The following SH3KBP1 variants were observed in gnomAD, a reference collection of about 807,000 sequenced individuals.
SH3KBP1 encodes SH3 domain containing kinase binding protein 1.
SH3KBP1 carries 8 observed loss-of-function variants against 50.1 expected under a neutral mutation model. The observed-to-expected ratio is 0.16, with a 90% CI of 0.09 to 0.29. The LOEUF (loss-of-function observed/expected upper bound fraction) is 0.29. Ranked by LOEUF, SH3KBP1 falls within the 10% of genes least tolerant of loss-of-function variation. The pLI is 1.00. For synonymous variants in SH3KBP1, 227 were observed against 218.6 expected, an observed-to-expected ratio of 1.04 and a Z score of -0.34; for missense variants, 377 against 535.2, an observed-to-expected ratio of 0.70 and a Z score of 2.92.
chrX:19,788,166 G>A (rs1370368532), intron 2 of SH3KBP1, among the ~76,000 whole-genome samples: 1 of 107,549 alleles, frequency 9.3e-6, no homozygotes. Flanking sequence ...CGCTTTGGGA[G>A]GCCAAGGTGG....
chrX:19,753,891 G>T (rs2065139042), intron 2 of SH3KBP1, among the ~76,000 whole-genome samples: 1 of 112,012 alleles, frequency 8.9e-6, no homozygotes, highest in South Asian at 3.7e-4. Flanking sequence ...TTCATAATTT[G>T]CCCTAAAATT....
At chrX:19,830,597 A>AT (rs575157529) in intron 2 of SH3KBP1, among the ~76,000 whole-genome samples, 40 of 103,505 alleles carry the variant, frequency 3.9e-4, no homozygotes, top group East Asian at 2.7e-3. Context: ...TCTCTACATA[A>AT]TTTTTTTTTT....
At chrX:19,858,928 C>T (rs975506061) in intron 1 of SH3KBP1, among the ~76,000 whole-genome samples, 1 of 111,521 alleles carries the variant, frequency 9.0e-6, no homozygotes, top group Non-Finnish European at 1.9e-5. Flanking sequence ...AAAAGAGAAA[C>T]GTGATCAATT....
intron 2 of SH3KBP1, among the ~76,000 whole-genome samples, chrX:19,805,808 C>A (rs1316579068): frequency 9.0e-6 from 1 of 111,525 alleles, no homozygotes; most frequent in Admixed American, 9.5e-5. Flanking sequence ...TCTCTGGTCC[C>A]TGGGAAGTGC....
At chrX:19,842,356 T>C (rs375065448) in intron 1 of SH3KBP1, among the ~76,000 whole-genome samples, 1 of 110,698 alleles carries the variant, frequency 9.0e-6, no homozygotes, top group African/African-American at 3.3e-5. Flanking sequence ...TGAAACCCTG[T>C]CTCTACTAAA....
chrX:19,738,694 CAAAAAAAA>C (rs1193680181), intron 3 of SH3KBP1, among the ~76,000 whole-genome samples: 32 of 37,179 alleles, frequency 8.6e-4, no homozygotes, highest in African/African-American at 1.1e-3. Context: ...GTCAGCAATG[CAAAAAAAA>C]AAAAAAAAAA....
intron 6 of SH3KBP1, among the ~76,000 whole-genome samples, chrX:19,662,812 GGACT>G (rs1352617715): frequency 1.9e-5 from 2 of 107,861 alleles, no homozygotes; most frequent in African/African-American, 3.4e-5. Context: ...TCAAAAACCA[GGACT>G]GACTTTTTTT....
chrX:19,793,319 T>A (rs868295362), intron 2 of SH3KBP1, among the ~76,000 whole-genome samples: 75 of 100,879 alleles, frequency 7.4e-4, no homozygotes, highest in African/African-American at 2.5e-3. Context: ...AAAAAATATA[T>A]ATATATATAT....
chrX:19,873,954 CG>C (rs1392246014), intron 1 of SH3KBP1, among the ~76,000 whole-genome samples: 2 of 96,807 alleles, frequency 2.1e-5, no homozygotes, highest in Non-Finnish European at 4.0e-5. Flanking sequence ...GAGGCTGAGG[CG>C]GGGGGATCCC....
intron 1 of SH3KBP1, among the ~76,000 whole-genome samples, chrX:19,882,615 CGG>C (rs2069470673): frequency 2.7e-5 from 3 of 111,933 alleles, no homozygotes; most frequent in Non-Finnish European, 5.6e-5. Flanking sequence ...CGCCCAGTGA[CGG>C]ATGATAAACA....
chrX:19,778,150 C>T (rs2066040327), intron 2 of SH3KBP1, among the ~76,000 whole-genome samples: 2 of 111,337 alleles, frequency 1.8e-5, no homozygotes, highest in Admixed American at 1.9e-4. Context: ...GGGGAAAATT[C>T]GGCCGGGTGC....
intron 13 of SH3KBP1, among the ~76,000 whole-genome samples, chrX:19,565,480 G>A (rs1602489878): frequency 9.0e-6 from 1 of 111,331 alleles, no homozygotes; most frequent in East Asian, 2.8e-4. Context: ...GGCTATGGAC[G>A]GTGAGAAAAA....
chrX:19,762,692 C>A (rs183762544), intron 2 of SH3KBP1, among the ~76,000 whole-genome samples: 169 of 112,115 alleles, frequency 1.5e-3, no homozygotes, highest in Non-Finnish European at 2.6e-3. Context: ...CACTGCAATT[C>A]CCCTGTCTTG....
chrX:19,861,136 A>G (rs1278311678), intron 1 of SH3KBP1, among the ~76,000 whole-genome samples: 6 of 111,284 alleles, frequency 5.4e-5, no homozygotes, highest in Admixed American at 9.6e-5. Flanking sequence ...CAGCACTTTG[A>G]GAGGCCAAGG....
chrX:19,877,545 G>A (rs981509211), intron 1 of SH3KBP1, among the ~76,000 whole-genome samples: 3 of 111,827 alleles, frequency 2.7e-5, no homozygotes, highest in African/African-American at 9.8e-5. Context: ...TTCACATGGG[G>A]AGGTAACATG....
chrX:19,564,611 G>A (rs1376879904), intron 13 of SH3KBP1, among the ~76,000 whole-genome samples: 2 of 107,251 alleles, frequency 1.9e-5, no homozygotes, highest in South Asian at 8.4e-4. Flanking sequence ...TCACAGTCAT[G>A]TCCTTGGTTG....
chrX:19,780,011 C>T (rs749720567), intron 2 of SH3KBP1, among the ~76,000 whole-genome samples: 230 of 111,030 alleles, frequency 2.1e-3, no homozygotes, highest in Non-Finnish European at 3.6e-3. Flanking sequence ...CCTGAGGAAT[C>T]GCCACACTGA....
intron 15 of SH3KBP1, among the ~76,000 whole-genome samples, chrX:19,543,835 C>T (rs1188154349): frequency 9.0e-5 from 10 of 110,674 alleles, no homozygotes; most frequent in Non-Finnish European, 1.7e-4. Flanking sequence ...CAGTCATGGG[C>T]GAGAGAGAAG....
chrX:19,591,128 G>A (rs2066737914), intron 11 of SH3KBP1, among the ~76,000 whole-genome samples: 1 of 110,442 alleles, frequency 9.1e-6, no homozygotes, highest in African/African-American at 3.3e-5. Context: ...AGCTGGCAAT[G>A]TTGGTAAAAT....
Sources: gnomAD v4.1 joint callset for allele counts (sites outside exome capture counted in the v4.1 genomes callset) on GRCh38, gnomAD v4.1.1 for gene constraint, MANE v1.5 for transcripts, NCBI Gene and HGNC (gene_info 2026-07-23, HGNC 2026-07-21) for gene names.